The following TJAP1 variants were observed in gnomAD, a reference collection of about 807,000 sequenced individuals.
The protein encoded by TJAP1 is tight junction-associated protein 1.
TJAP1 carries 27 observed loss-of-function variants against 42.0 expected under a neutral mutation model. The ratio of observed to expected loss-of-function variants is 0.64; its 90% CI spans 0.47 to 0.89. The LOEUF (loss-of-function observed/expected upper bound fraction) is 0.89, where lower values mean the gene tolerates loss of function less well. Ranked by LOEUF, TJAP1 falls within the 40% of genes least tolerant of loss-of-function variation. The pLI is 0.00. For missense variants in TJAP1, 712 were observed against 726.9 expected (o/e 0.98, Z 0.24); for synonymous variants, 257 against 288.4 (o/e 0.89, Z 1.10).
chr6:43,501,249 C>G, intron 5 of TJAP1: 3 of 446,230 alleles, frequency 6.7e-6, no homozygotes, highest in Non-Finnish European at 1.2e-5. Context: ...TCCCTACCCC[C>G]AATTCTTTAT....
intron 4 of TJAP1, among the ~76,000 whole-genome samples, chr6:43,500,058 G>A (rs940456016): frequency 1.3e-5 from 2 of 152,236 alleles, no homozygotes; most frequent in Non-Finnish European, 2.9e-5. Flanking sequence ...GCCAGAGGCT[G>A]CTCTTCTGAA....
intron 2 of TJAP1, among the ~76,000 whole-genome samples, chr6:43,486,447 C>T (rs1361279043): frequency 6.6e-6 from 1 of 151,082 alleles, no homozygotes; most frequent in Non-Finnish European, 1.5e-5. Context: ...CCTCTGCCTC[C>T]TGGGTTTAAG....
chr6:43,497,776 C>G (rs1196062856), intron 2 of TJAP1, 105 bp from the exon 3 acceptor site: 1 of 152,280 alleles, frequency 6.6e-6, no homozygotes, highest in African/African-American at 2.4e-5. Flanking sequence ...TGCCGTGGTT[C>G]TCCCTGGGGG....
At chr6:43,482,453 C>T (rs1047538860) in intron 2 of TJAP1, among the ~76,000 whole-genome samples, 1 of 152,208 alleles carries the variant, frequency 6.6e-6, no homozygotes, top group Admixed American at 6.5e-5. Flanking sequence ...AAACTGACCT[C>T]ATTCTAGCCT....
chr6:43,501,591 C>A, exon 6 of TJAP1: 5 of 1,614,002 alleles, frequency 3.1e-6, no homozygotes, highest in Non-Finnish European at 4.2e-6. Flanking sequence ...CGCACTGAGG[C>A]CCTGGAACGT....
intron 4 of TJAP1, 45 bp downstream of exon 4, chr6:43,499,145 C>G: frequency 1.2e-6 from 2 of 1,607,714 alleles, no homozygotes; most frequent in African/African-American, 1.3e-5. Context: ...AGGCAAGGCC[C>G]CTGAGGCTGG....
chr6:43,482,395 A>G (rs772583628), intron 2 of TJAP1, among the ~76,000 whole-genome samples: 2 of 152,180 alleles, frequency 1.3e-5, no homozygotes, highest in Non-Finnish European at 2.9e-5. Context: ...CCTCTGGGTG[A>G]AGGAACCTTC....
At chr6:43,494,052 G>A (rs1332116100) in intron 2 of TJAP1, among the ~76,000 whole-genome samples, 6 of 152,134 alleles carry the variant, frequency 3.9e-5, no homozygotes, top group African/African-American at 7.2e-5. Context: ...TGTGCGTGCC[G>A]AGTCCCATTT....
intron 10 of TJAP1, chr6:43,504,041 G>A (rs556692091): frequency 3.4e-4 from 167 of 498,164 alleles, no homozygotes; most frequent in African/African-American, 2.7e-3. Context: ...TACCCCAAGG[G>A]GTAAACTCTA....
At chr6:43,497,775 T>TAGG (rs1476945438) in intron 2 of TJAP1, 106 bp from the exon 3 acceptor site, 1 of 152,276 alleles carries the variant, frequency 6.6e-6, no homozygotes, top group African/African-American at 2.4e-5. Context: ...CTGCCGTGGT[T>TAGG]CTCCCTGGGG....
chr6:43,478,025 G>A (rs566158844), intron 1 of TJAP1, 62 bp from the exon 2 acceptor site: 117 of 152,424 alleles, frequency 7.7e-4, no homozygotes, highest in African/African-American at 2.7e-3. Context: ...AGAGAGATCT[G>A]GAGGATGCCG....
intron 2 of TJAP1, among the ~76,000 whole-genome samples, chr6:43,496,410 G>T (rs1789158667): frequency 6.6e-6 from 1 of 152,190 alleles, no homozygotes; most frequent in South Asian, 2.1e-4. Flanking sequence ...CCGGGAATGT[G>T]CCGTCCTTTC....
At chr6:43,485,415 A>T (rs1221666227) in intron 2 of TJAP1, among the ~76,000 whole-genome samples, 2 of 152,204 alleles carry the variant, frequency 1.3e-5, no homozygotes, top group African/African-American at 4.8e-5. Flanking sequence ...GGTAGTCCTT[A>T]GAGCCCCAAT....
At chr6:43,503,749 G>T (rs375826513) in intron 10 of TJAP1, 43 bp downstream of exon 10, 2 of 1,548,306 alleles carry the variant, frequency 1.3e-6, no homozygotes, top group Non-Finnish European at 1.8e-6. Context: ...AGACCATTCC[G>T]GCCACTGTAG....
intron 10 of TJAP1, chr6:43,503,939 C>A: frequency 1.4e-6 from 1 of 697,312 alleles, no homozygotes; most frequent in Non-Finnish European, 2.7e-6. Flanking sequence ...GTAACAGAGA[C>A]AGAGAGAGAA....
chr6:43,496,408 G>T (rs1450794804), intron 2 of TJAP1, among the ~76,000 whole-genome samples: 1 of 152,194 alleles, frequency 6.6e-6, no homozygotes, highest in Admixed American at 6.5e-5. Flanking sequence ...CCCCGGGAAT[G>T]TGCCGTCCTT....
At chr6:43,502,880 A>G in intron 8 of TJAP1, 1 of 573,268 alleles carries the variant, frequency 1.7e-6, no homozygotes, top group South Asian at 2.0e-5. Context: ...AGTGGCAGCA[A>G]GCCCAGGCTG....
At chr6:43,504,650 A>T in intron 10 of TJAP1, 111 bp from the exon 11 acceptor site, 1 of 1,333,668 alleles carries the variant, frequency 7.5e-7, no homozygotes, top group Non-Finnish European at 1.0e-6. Context: ...GAGATAGCAG[A>T]GTGCTGAGTA....
chr6:43,501,331 C>A, intron 5 of TJAP1, 195 bp from the exon 6 acceptor site: 1 of 589,282 alleles, frequency 1.7e-6, no homozygotes, highest in East Asian at 2.9e-5. Flanking sequence ...GACCCTCCAA[C>A]CCAGGCTGTG....
Sources: allele counts gnomAD v4.1 joint callset (sites outside exome capture counted in the v4.1 genomes callset), GRCh38; gene constraint gnomAD v4.1.1; transcripts MANE v1.5; gene names NCBI Gene and HGNC (gene_info 2026-07-23, HGNC 2026-07-21).